SLCO1A2: variants seen among roughly 807,000 people sequenced by gnomAD.
The protein encoded by SLCO1A2 is solute carrier organic anion transporter family member 1A2, also known as OATP-1.
A neutral mutation model predicts 69.0 loss-of-function variants in SLCO1A2; 67 were observed. That is an observed-to-expected ratio of 0.97 (90% confidence interval 0.80 to 1.19). SLCO1A2 has a LOEUF of 1.19. Ranked by LOEUF, SLCO1A2 falls within the 50% of genes most tolerant of loss-of-function variation. The pLI is 0.00. For synonymous variants in SLCO1A2, 260 were observed against 265.9 expected (o/e 0.98, Z 0.22); for missense variants, 787 against 793.7 (o/e 0.99, Z 0.10).
intron 12 of SLCO1A2, among the ~76,000 whole-genome samples, chr12:21,287,507 C>T (rs1208195907): frequency 7.0e-6 from 1 of 143,502 alleles, no homozygotes; most frequent in Admixed American, 6.9e-5. Flanking sequence ...CATCCCATTA[C>T]TGGGTATATA....
At chr12:21,293,873 AAT>A in intron 11 of SLCO1A2, 70 bp downstream of exon 11, 2 of 1,260,712 alleles carry the variant, frequency 1.6e-6, no homozygotes, top group Middle Eastern at 2.0e-4. Context: ...ACTTTTATTA[AAT>A]ATAGGCCCAG....
rs981134599 is a variant in SLCO1A2, at chr12:21,334,607, C to A, written c.41G>T (p.Arg14Ile). The change falls in exon 2 of 15, where the codon AGA becomes ATA. Residue 14 changes from arginine (R) to isoleucine (I), a missense_variant. By Grantham distance (97) the Arg-to-Ile change is moderately conservative. Transcript: ENST00000683939. ...CCATACCTTCAACTTGGAAAGACAT[C>A]TTATTCTATGGGTTTCAATTCTTTT... ...TEKRIETHRIRCLSKLKMFLL... is the reference protein window; with the variant it reads ...TEKRIETHRIICLSKLKMFLL... The A allele has an allele frequency of 3.1e-6, 5 of 1,610,352 alleles. No individual in the cohort carries two copies. The highest frequency in any genetic ancestry group is 3.4e-6 in the Non-Finnish European group (4 of 1,177,762).
chr12:21,316,326 T>C (rs1950857336), intron 3 of SLCO1A2, among the ~76,000 whole-genome samples: 1 of 152,160 alleles, frequency 6.6e-6, no homozygotes. Flanking sequence ...ACACATATTC[T>C]CTAGTTTCTC....
intron 2 of SLCO1A2, among the ~76,000 whole-genome samples, chr12:21,329,585 A>G (rs1273559180): frequency 6.6e-6 from 1 of 151,816 alleles, no homozygotes; most frequent in Non-Finnish European, 1.5e-5. Context: ...CTAAATTCTA[A>G]TGAATTTTAT....
intron 1 of SLCO1A2, among the ~76,000 whole-genome samples, chr12:21,390,596 AT>A (rs1362782990): frequency 6.6e-6 from 1 of 152,014 alleles, no homozygotes; most frequent in Non-Finnish European, 1.5e-5. Flanking sequence ...CTTGGATGAC[AT>A]TTTGGAACAC....
chr12:21,345,607 C>T (rs2136994597), intron 2 of SLCO1A2, among the ~76,000 whole-genome samples: 1 of 152,094 alleles, frequency 6.6e-6, no homozygotes, highest in Non-Finnish European at 1.5e-5. Flanking sequence ...ATCATAGAAG[C>T]CAAGTTGAAA....
chr12:21,373,417 T>TAC (rs1565521110), intron 2 of SLCO1A2: 27 of 1,612,240 alleles, frequency 1.7e-5, no homozygotes, highest in Non-Finnish European at 2.3e-5. Flanking sequence ...ATCTGAAAGC[T>TAC]ACACCCATTG....
chr12:21,280,173 A>G (rs1380145951), intron 12 of SLCO1A2, among the ~76,000 whole-genome samples: 1 of 152,084 alleles, frequency 6.6e-6, no homozygotes, highest in Non-Finnish European at 1.5e-5. Context: ...TGAAAGGAAG[A>G]AAAAAAGGAA....
rs543639928 is a variant in SLCO1A2 at position 21,316,404 on chromosome 12, C to T, written c.203-1723G>A. Among the ~76,000 whole-genome samples, 3 of 152,270 alleles carry T rather than the reference C, an allele frequency of 2.0e-5. No individual in the cohort carries two copies. The East Asian group carries it at 5.8e-4, about 29-fold the overall frequency. ...TTTTCCCCCCTCCCTAATCCCCTAT[C>T]GTCGCTCCTACCTTCACTGCTTCCT... On this transcript the variant is annotated intron_variant, in intron 3 of 14. Coordinates refer to ENST00000683939, the MANE Select transcript of SLCO1A2 (RefSeq NM_001386879.1).
At chr12:21,393,908 G>A (rs561812259) in intron 1 of SLCO1A2, among the ~76,000 whole-genome samples, 8 of 152,192 alleles carry the variant, frequency 5.3e-5, no homozygotes, top group Non-Finnish European at 7.4e-5. Context: ...ATAACCAAGC[G>A]ACATTACTGT....
intron 1 of SLCO1A2, among the ~76,000 whole-genome samples, chr12:21,394,592 A>G (rs1308869973): frequency 6.6e-6 from 1 of 150,604 alleles, no homozygotes; most frequent in African/African-American, 2.4e-5. Flanking sequence ...ACAAAAAACA[A>G]AAAAAAAAGA....
chr12:21,305,319 T>C (rs1320000766), intron 5 of SLCO1A2, among the ~76,000 whole-genome samples: 1 of 152,188 alleles, frequency 6.6e-6, no homozygotes, highest in Non-Finnish European at 1.5e-5. Context: ...CCAAAATAGC[T>C]GGTAAGCTGT....
upstream of SLCO1A2, among the ~76,000 whole-genome samples, chr12:21,396,610 G>A (rs1274199234): frequency 6.6e-6 from 1 of 151,770 alleles, no homozygotes; most frequent in Non-Finnish European, 1.5e-5. Context: ...AAATGTTAAG[G>A]GCAGCCAGAG....
intron 2 of SLCO1A2, among the ~76,000 whole-genome samples, chr12:21,364,762 C>T (rs1032839476): frequency 6.6e-6 from 1 of 152,066 alleles, no homozygotes; most frequent in Admixed American, 6.6e-5. Flanking sequence ...AACAGACAAA[C>T]GGAGAGACAA....
chr12:21,402,369 G>A (rs1339468145), intron 1 of SLCO1A2, among the ~76,000 whole-genome samples: 2 of 152,040 alleles, frequency 1.3e-5, no homozygotes, highest in Non-Finnish European at 2.9e-5. Context: ...GGGTTTATAA[G>A]AGAGGAAAAT....
upstream of SLCO1A2, among the ~76,000 whole-genome samples, chr12:21,396,718 C>T (rs1941476326): frequency 2.0e-5 from 3 of 152,128 alleles, no homozygotes; most frequent in Admixed American, 1.3e-4. Flanking sequence ...GGCTAATATT[C>T]AAATTTCTTA....
chr12:21,276,050 A>T (rs1197036304), intron 12 of SLCO1A2, among the ~76,000 whole-genome samples: 2 of 152,332 alleles, frequency 1.3e-5, no homozygotes, highest in African/African-American at 4.8e-5. Flanking sequence ...TTAGAAAAGA[A>T]CAAGAATACT....
At chr12:21,283,783 A>G (rs926854963) in intron 12 of SLCO1A2, among the ~76,000 whole-genome samples, 5 of 152,240 alleles carry the variant, frequency 3.3e-5, no homozygotes, top group African/African-American at 9.6e-5. Context: ...TCAGAAGAAT[A>G]AATACAAATG....
At chr12:21,326,817 G>A (rs7300463) in intron 2 of SLCO1A2, among the ~76,000 whole-genome samples, 48,032 of 152,014 alleles carry the variant, frequency 0.32, 7,737 homozygotes, top group East Asian at 0.35. Flanking sequence ...TTTGAAATTG[G>A]AACTTATGTT....
Sources: allele counts gnomAD v4.1 joint callset (sites outside exome capture counted in the v4.1 genomes callset), GRCh38; gene constraint gnomAD v4.1.1; transcripts MANE v1.5; gene names NCBI Gene and HGNC (gene_info 2026-07-23, HGNC 2026-07-21).